The following SLC15A1 variants were observed in gnomAD, a reference collection of about 807,000 sequenced individuals.
The protein encoded by SLC15A1 is Caco-2 oligopeptide transporter.
SLC15A1 carries 83 observed loss-of-function variants against 92.9 expected under a neutral mutation model. That is an observed-to-expected ratio of 0.89 (90% CI 0.75 to 1.07). The LOEUF (loss-of-function observed/expected upper bound fraction) is 1.07. Ranked by LOEUF, SLC15A1 falls within the 50% of genes least tolerant of loss-of-function variation. SLC15A1 has a pLI of 0.00. For synonymous variants in SLC15A1, 322 were observed against 318.2 expected, an observed-to-expected ratio of 1.01 and a Z score of -0.13; for missense variants, 857 against 880.1, an observed-to-expected ratio of 0.97 and a Z score of 0.33.
chr13:98,750,492 T>C (rs2088535546), intron 1 of SLC15A1, among the ~76,000 whole-genome samples: 1 of 152,194 alleles, frequency 6.6e-6, no homozygotes, highest in African/African-American at 2.4e-5. Context: ...GCCTTAATGG[T>C]ATGATTCTGA....
intron 5 of SLC15A1, among the ~76,000 whole-genome samples, 162 bp from the exon 6 acceptor site, chr13:98,722,065 T>C (rs2088265120): frequency 6.6e-6 from 1 of 152,210 alleles, no homozygotes; most frequent in African/African-American, 2.4e-5. Flanking sequence ...GATAGTCAAA[T>C]GCAAACTTGA....
intron 9 of SLC15A1, among the ~76,000 whole-genome samples, chr13:98,713,773 G>A (rs2088187385): frequency 2.6e-5 from 4 of 152,126 alleles, no homozygotes; most frequent in Admixed American, 6.6e-5. Flanking sequence ...TTGGCCAGGC[G>A]CAGTGGCTCA....
rs942464188 is a variant in SLC15A1 at position 98,684,079 on chromosome 13, T to C, written c.*645A>G. On this transcript the variant is annotated 3_prime_UTR_variant, in exon 23 of 23. Transcript: ENST00000376503. ...GAACAGTATGGAATAGGAAACTTTGTTACCATTTCAAAATTAAGCTAGTCC... is the reference window on the plus strand; with the variant it reads ...GAACAGTATGGAATAGGAAACTTTGCTACCATTTCAAAATTAAGCTAGTCC... 1.3e-5 allele frequency: 2 copies of C among 152,252 alleles called. No individual in the cohort carries two copies. The highest frequency in any genetic ancestry group is 4.8e-5 in the African/African-American group (2 of 41,454). The allele number at this position is 152,252 out of a possible 1,614,324, so 9.4% of individuals were successfully genotyped here.
chr13:98,697,893 G>A (rs933663484), intron 18 of SLC15A1, among the ~76,000 whole-genome samples: 1 of 152,190 alleles, frequency 6.6e-6, no homozygotes, highest in African/African-American at 2.4e-5. Context: ...TCAGCAGGAC[G>A]ACAGAGCCAG....
intron 15 of SLC15A1, among the ~76,000 whole-genome samples, chr13:98,708,151 G>C (rs1213234720): frequency 6.6e-6 from 1 of 151,980 alleles, no homozygotes; most frequent in Non-Finnish European, 1.5e-5. Context: ...GGGAGGAAGT[G>C]GTGGGGAATG....
chr13:98,716,267 T>G (rs1199141835), intron 8 of SLC15A1, among the ~76,000 whole-genome samples: 1 of 152,142 alleles, frequency 6.6e-6, no homozygotes, highest in Non-Finnish European at 1.5e-5. Context: ...CTATCTCTAT[T>G]TAAAGGGAGA....
intron 9 of SLC15A1, among the ~76,000 whole-genome samples, chr13:98,714,776 CAT>C (rs1188396526): frequency 3.4e-5 from 5 of 148,220 alleles, no homozygotes; most frequent in East Asian, 3.9e-4. Flanking sequence ...AAGATTCACA[CAT>C]GTGATTTTTT....
intron 1 of SLC15A1, among the ~76,000 whole-genome samples, chr13:98,749,946 T>A (rs114082403): frequency 0.017 from 2,640 of 151,906 alleles, 82 homozygotes; most frequent in African/African-American, 0.061. Flanking sequence ...AACTGCAGAG[T>A]TGAGAAGTTG....
At chr13:98,724,951 G>A (rs1355927575) in intron 4 of SLC15A1, among the ~76,000 whole-genome samples, 1 of 152,182 alleles carries the variant, frequency 6.6e-6, no homozygotes, top group Non-Finnish European at 1.5e-5. Context: ...TGATCCCAGT[G>A]TTGGAAGTGG....
chr13:98,749,330 A>T (rs1378220401), intron 1 of SLC15A1, among the ~76,000 whole-genome samples: 2 of 152,214 alleles, frequency 1.3e-5, no homozygotes, highest in African/African-American at 2.4e-5. Context: ...GTGGGGCAGG[A>T]AGAGAATAAA....
intron 9 of SLC15A1, 24 bp from the exon 10 acceptor site, chr13:98,712,608 A>T: frequency 6.5e-7 from 1 of 1,549,484 alleles, no homozygotes; most frequent in Non-Finnish European, 8.9e-7. Flanking sequence ...GAAAAATCGA[A>T]TTTCAAAACA....
intron 18 of SLC15A1, among the ~76,000 whole-genome samples, chr13:98,698,334 C>G (rs1246233057): frequency 6.6e-6 from 1 of 152,168 alleles, no homozygotes; most frequent in African/African-American, 2.4e-5. Flanking sequence ...AAAACAGAAA[C>G]ATAAATCTAA....
At chr13:98,719,135 T>G in intron 8 of SLC15A1, 102 bp downstream of exon 8, 3 of 744,272 alleles carry the variant, frequency 4.0e-6, no homozygotes, top group Non-Finnish European at 6.9e-6. Flanking sequence ...CACTACTTTT[T>G]GTTGCCACTT....
chr13:98,700,203 G>T (rs1468264175), intron 18 of SLC15A1, among the ~76,000 whole-genome samples: 2 of 152,044 alleles, frequency 1.3e-5, no homozygotes, highest in Non-Finnish European at 2.9e-5. Context: ...AAATCTTAGT[G>T]TAGGCCCGCA....
At chr13:98,685,179 A>G (rs1235660745) in intron 22 of SLC15A1, among the ~76,000 whole-genome samples, 1 of 152,206 alleles carries the variant, frequency 6.6e-6, no homozygotes, top group Non-Finnish European at 1.5e-5. Context: ...GATGAGAGAA[A>G]ATTTCTGAAA....
intron 1 of SLC15A1, among the ~76,000 whole-genome samples, chr13:98,738,855 C>G (rs1359643619): frequency 6.6e-6 from 1 of 152,202 alleles, no homozygotes; most frequent in Non-Finnish European, 1.5e-5. Flanking sequence ...TCCTCCAGAC[C>G]CTAGGATGGT....
At position 98,686,263 on chromosome 13, in the gene SLC15A1, C is replaced by G; in HGVS notation, c.1862G>C (p.Gly621Ala). The G allele has an allele frequency of 1.2e-6, 2 of 1,613,310 alleles. No homozygotes were observed. The highest frequency in any genetic ancestry group is 1.7e-6 in the Non-Finnish European group (2 of 1,179,720). ...PSNMKSVLQA[G>A]WLLTVAVGNI... ...GCCAACAGCCACGGTCAGCAGCCAT[C>G]CTGCCTGAAGCACCGACTTCATGTT... Residue 621 changes from glycine (G) to alanine (A), a missense_variant, in exon 22 of 23, where the codon GGA (glycine) becomes GCA (alanine). Transcript: ENST00000376503.
intron 1 of SLC15A1, among the ~76,000 whole-genome samples, chr13:98,745,650 G>A (rs9513478): frequency 0.017 from 2,611 of 152,244 alleles, 31 homozygotes; most frequent in Middle Eastern, 0.061. Flanking sequence ...GCAAGAGAAA[G>A]GCCTGGATCG....
At position 98,684,266 on chromosome 13, in the gene SLC15A1, G is replaced by A. The variant is rs1254754935; in HGVS notation, c.*458C>T. The A allele has an allele frequency of 1.9e-5, 3 of 155,380 alleles. No homozygotes were observed. The highest frequency in any genetic ancestry group is 2.9e-5 in the Non-Finnish European group (2 of 69,952). 9.6% of individuals were successfully genotyped at this position (155,380 alleles called of 1,614,324 possible). Reference sequence around the variant, plus strand: ...TGGCTGCTTAGAAAATAGCGTTCACGGCCGGGCGCGGTAGCTCAAGCCTGT... The same window carrying A: ...TGGCTGCTTAGAAAATAGCGTTCACAGCCGGGCGCGGTAGCTCAAGCCTGT... On this transcript the variant is annotated 3_prime_UTR_variant, in exon 23 of 23. Coordinates refer to ENST00000376503, the MANE Select transcript of SLC15A1 (RefSeq NM_005073.4).
Sources: allele counts gnomAD v4.1 joint callset (sites outside exome capture counted in the v4.1 genomes callset), GRCh38; gene constraint gnomAD v4.1.1; transcripts MANE v1.5; gene names NCBI Gene and HGNC (gene_info 2026-07-23, HGNC 2026-07-21).